NSRP1: variants seen among roughly 807,000 people sequenced by gnomAD.
NSRP1 encodes the protein nuclear speckle splicing regulatory protein 1, also known as coiled-coil domain containing 55.
NSRP1 carries 24 observed loss-of-function variants against 54.7 expected under a neutral mutation model. The observed-to-expected ratio is 0.44, with a 90% CI of 0.32 to 0.62. The LOEUF (loss-of-function observed/expected upper bound fraction) is 0.62. Among genes scored for constraint, NSRP1 ranks in the 20% least tolerant of loss-of-function variants. NSRP1 has a pLI of 0.06. For synonymous variants in NSRP1, 210 were observed against 213.8 expected (o/e 0.98, Z 0.15); for missense variants, 596 against 651.2 (o/e 0.92, Z 0.92).
chr17:30,143,615 A>G (rs561049420), intron 2 of NSRP1, among the ~76,000 whole-genome samples: 28 of 152,346 alleles, frequency 1.8e-4, no homozygotes, highest in African/African-American at 6.7e-4. Flanking sequence ...TTACCAACAT[A>G]GTTAATGATG....
intron 2 of NSRP1, among the ~76,000 whole-genome samples, chr17:30,159,380 G>GAACGGGCCGGGGGGTA: frequency 6.6e-6 from 1 of 151,826 alleles, no homozygotes; most frequent in Non-Finnish European, 1.5e-5. Context: ...GTAGTCGTTT[G>GAACGGGCCGGGGGGTA]GTTTTTCTAA....
chr17:30,122,373 ATATATATATATATTTTTTTTTTTTTTTTT>A (rs2071609061), intron 2 of NSRP1: 7 of 26,966 alleles, frequency 2.6e-4, no homozygotes, highest in African/African-American at 3.3e-4. Flanking sequence ...ATATATATAT[ATATATATATATATTTTTTTTTTTTTTTTT>A]TTTTTTTTTT....
At chr17:30,125,035 C>G (rs2071637588) in intron 2 of NSRP1, among the ~76,000 whole-genome samples, 1 of 152,032 alleles carries the variant, frequency 6.6e-6, no homozygotes, top group Non-Finnish European at 1.5e-5. Flanking sequence ...ACCATCTCTA[C>G]TAAAAATACA....
At chr17:30,151,033 T>C (rs959684238) in intron 2 of NSRP1, among the ~76,000 whole-genome samples, 1 of 152,178 alleles carries the variant, frequency 6.6e-6, no homozygotes, top group Non-Finnish European at 1.5e-5. Context: ...ATTTTAGTCA[T>C]CCTGTTGGGT....
At chr17:30,141,181 TTTATC>T (rs1414570231) in intron 2 of NSRP1, among the ~76,000 whole-genome samples, 1 of 152,196 alleles carries the variant, frequency 6.6e-6, no homozygotes, top group African/African-American at 2.4e-5. Context: ...ACTTTTTTCT[TTTATC>T]TTTATTATCT....
chr17:30,119,952 G>A (rs868102557), intron 2 of NSRP1, among the ~76,000 whole-genome samples: 11 of 152,238 alleles, frequency 7.2e-5, no homozygotes, highest in South Asian at 6.2e-4. Flanking sequence ...GATTTTAAGT[G>A]TACAGCTTGA....
rs1299007870 is a variant in NSRP1, at chr17:30,157,280, T to TA, written c.115-15261dup. Among the ~76,000 whole-genome samples, 7 of 152,184 alleles carry TA rather than the reference T, an allele frequency of 4.6e-5. No homozygotes were observed. In the South Asian group the frequency reaches 1.4e-3, roughly 31 times the overall value. Reference sequence around the variant, plus strand: ...TTTTTATATACCTGTTGGCTACTCATATGTATTTTGAGAAATCTCTATTGC... The same window carrying TA: ...TTTTTATATACCTGTTGGCTACTCATAATGTATTTTGAGAAATCTCTATTGC... On this transcript the variant is annotated intron_variant, in intron 2 of 6. Transcript: ENST00000247026.
intron 2 of NSRP1, among the ~76,000 whole-genome samples, chr17:30,148,008 T>C (rs187812469): frequency 6.8e-4 from 103 of 151,602 alleles, no homozygotes; most frequent in Middle Eastern, 3.4e-3. Flanking sequence ...AGTTGGGGTT[T>C]CCCCATGTTG....
chr17:30,134,897 T>C (rs551496306), intron 2 of NSRP1, among the ~76,000 whole-genome samples: 1 of 152,278 alleles, frequency 6.6e-6, no homozygotes, highest in Non-Finnish European at 1.5e-5. Context: ...GTGCTTTTTA[T>C]CATGTGAAAT....
Position 30,116,862 on chromosome 17 carries a change from C to G in NSRP1, c.19C>G (p.Gln7Glu). 6.3e-7 allele frequency: 1 copy of G among 1,574,878 alleles called. No individual in the cohort carries two copies. Among genetic ancestry groups the G allele is most frequent in the South Asian group, 1.2e-5 (1 of 85,806 alleles). Reference sequence around the variant, plus strand: ...GAGCAAGATGGCGATTCCGGGCAGGCAGTGAGTGATCCGGGAGTTAGGGTC... The same window carrying G: ...GAGCAAGATGGCGATTCCGGGCAGGGAGTGAGTGATCCGGGAGTTAGGGTC... Reference protein sequence around the residue: MAIPGRQYGLILPKKTQ... With the variant: MAIPGREYGLILPKKTQ... Residue 7 changes from glutamine to glutamate, a missense_variant and splice_region_variant, in exon 1 of 7, where the codon CAG (glutamine) becomes GAG (glutamate). Physicochemically the swap from Gln to Glu is conservative, Grantham distance 29. Coordinates refer to ENST00000247026, the MANE Select transcript of NSRP1 (RefSeq NM_032141.4).
intron 3 of NSRP1, among the ~76,000 whole-genome samples, chr17:30,177,773 G>C (rs1905176274): frequency 6.6e-6 from 1 of 152,058 alleles, no homozygotes; most frequent in Non-Finnish European, 1.5e-5. Context: ...TTTAAGTTTA[G>C]TCATTTAATT....
At chr17:30,169,857 A>G (rs989320522) in intron 2 of NSRP1, among the ~76,000 whole-genome samples, 8 of 151,832 alleles carry the variant, frequency 5.3e-5, no homozygotes, top group Admixed American at 1.3e-4. Context: ...AAAAAAAAAA[A>G]GCACCAATTG....
At chr17:30,116,931 G>A (rs2071538947) in intron 1 of NSRP1, 68 bp downstream of exon 1, 1 of 1,544,134 alleles carries the variant, frequency 6.5e-7, no homozygotes, top group Non-Finnish European at 8.8e-7. Context: ...CTTTGGCCGA[G>A]GAGTTTTAAA....
chr17:30,181,573 T>TTTG (rs983669345), intron 6 of NSRP1, among the ~76,000 whole-genome samples: 1 of 149,990 alleles, frequency 6.7e-6, no homozygotes, highest in South Asian at 2.1e-4. Context: ...TTTTGTGTTT[T>TTTG]TTGTTGTTGT....
At chr17:30,123,072 A>C (rs1269267946) in intron 2 of NSRP1, among the ~76,000 whole-genome samples, 1 of 138,640 alleles carries the variant, frequency 7.2e-6, no homozygotes, top group Admixed American at 6.8e-5. Context: ...GGTGCAAGCC[A>C]CTGTTCCCAG....
intron 3 of NSRP1, among the ~76,000 whole-genome samples, chr17:30,176,616 C>T (rs890412031): frequency 8.2e-6 from 1 of 121,234 alleles, no homozygotes; most frequent in Non-Finnish European, 1.9e-5. Context: ...TCCCCCCCCC[C>T]CCAAAAAAAA....
chr17:30,185,591 G>T lies in NSRP1; in HGVS notation c.1594G>T (p.Val532Leu). 2 of 1,614,130 alleles carry T rather than the reference G, an allele frequency of 1.2e-6. No homozygotes were observed. The highest frequency in any genetic ancestry group is 2.2e-5 in the South Asian group (2 of 91,068). The change falls in exon 7 of 7, where the codon GTA becomes TTA. Residue 532 changes from valine to leucine, a missense_variant. By Grantham distance (32) the Val-to-Leu change is conservative. Transcript: ENST00000247026. ...TGCAAAGCGGAACAATGAAGAAACT[G>T]TAATGTCAGCTAGAGACAGGTACTT... Reference protein sequence around the residue: ...KFAKRNNEETVMSARDRYLAR... With the variant: ...KFAKRNNEETLMSARDRYLAR...
intron 2 of NSRP1, among the ~76,000 whole-genome samples, chr17:30,139,069 T>C: frequency 6.6e-6 from 1 of 151,360 alleles, no homozygotes; most frequent in Non-Finnish European, 1.5e-5. Context: ...AGGCGCCTGC[T>C]ACCATGCCTA....
chr17:30,155,675 A>G (rs542597470), intron 2 of NSRP1, among the ~76,000 whole-genome samples: 9 of 152,054 alleles, frequency 5.9e-5, no homozygotes, highest in African/African-American at 2.2e-4. Context: ...TCCTGGCTGT[A>G]GCTAGGACTA....
Sources: gnomAD v4.1 joint callset for allele counts (sites outside exome capture counted in the v4.1 genomes callset) on GRCh38, gnomAD v4.1.1 for gene constraint, MANE v1.5 for transcripts, NCBI Gene and HGNC (gene_info 2026-07-23, HGNC 2026-07-21) for gene names.